SH3KBP1: variants seen among roughly 807,000 people sequenced by gnomAD.
SH3KBP1 encodes the protein SH3 domain containing kinase binding protein 1.
In SH3KBP1, 8 loss-of-function variants were observed where a neutral mutation model predicts 50.1. The ratio of observed to expected loss-of-function variants is 0.16; its 90% CI spans 0.09 to 0.29. The LOEUF (loss-of-function observed/expected upper bound fraction) is 0.29. Among genes scored for constraint, SH3KBP1 ranks in the 10% least tolerant of loss-of-function variants. The probability of loss-of-function intolerance (pLI) is 1.00; values close to 1 mark genes in which losing one functional copy is unlikely to be tolerated. For synonymous variants in SH3KBP1, 227 were observed against 218.6 expected (o/e 1.04, Z -0.34); for missense variants, 377 against 535.2 (o/e 0.70, Z 2.92).
chrX:19,736,668 T>C (rs2064587110), intron 3 of SH3KBP1, among the ~76,000 whole-genome samples: 1 of 111,627 alleles, frequency 9.0e-6, no homozygotes, highest in Admixed American at 9.5e-5. Context: ...GGCCATGAAA[T>C]GTCCTCATTG....
intron 1 of SH3KBP1, among the ~76,000 whole-genome samples, chrX:19,861,598 G>T (rs2068779854): frequency 9.0e-6 from 1 of 111,418 alleles, no homozygotes; most frequent in Non-Finnish European, 1.9e-5. Flanking sequence ...AGAACTGAGG[G>T]TCTTGGGAAT....
At chrX:19,697,555 G>A in intron 4 of SH3KBP1, among the ~76,000 whole-genome samples, 2 of 112,042 alleles carry the variant, frequency 1.8e-5, no homozygotes, top group South Asian at 7.4e-4. Flanking sequence ...CAAGTCCTTA[G>A]TTCTCCTCAA....
chrX:19,760,023 C>CTGTCTCTCTCTCTCT (rs1556345973), intron 2 of SH3KBP1, among the ~76,000 whole-genome samples: 1 of 83,582 alleles, frequency 1.2e-5, no homozygotes, highest in African/African-American at 5.9e-5. Context: ...CTCTCTCTCT[C>CTGTCTCTCTCTCTCT]CTCTCTCTCT....
intron 3 of SH3KBP1, among the ~76,000 whole-genome samples, chrX:19,717,006 G>C (rs1410816403): frequency 2.7e-5 from 3 of 110,785 alleles, no homozygotes; most frequent in Non-Finnish European, 3.8e-5. Flanking sequence ...TGAGGACAGG[G>C]ATCCAGGGAG....
chrX:19,854,655 T>G (rs1474903078), intron 1 of SH3KBP1, among the ~76,000 whole-genome samples: 3 of 111,453 alleles, frequency 2.7e-5, no homozygotes, highest in African/African-American at 9.8e-5. Context: ...TGGTACAGGT[T>G]TGACATTAAC....
At chrX:19,570,435 C>T (rs988536184) in intron 12 of SH3KBP1, among the ~76,000 whole-genome samples, 1 of 111,735 alleles carries the variant, frequency 8.9e-6, no homozygotes, top group African/African-American at 3.3e-5. Flanking sequence ...GGGACCAAAG[C>T]CTGAAGTCCT....
intron 2 of SH3KBP1, among the ~76,000 whole-genome samples, chrX:19,829,067 C>T (rs1194198995): frequency 8.9e-6 from 1 of 112,150 alleles, no homozygotes; most frequent in Non-Finnish European, 1.9e-5. Flanking sequence ...AGCAATTCCA[C>T]TCTTACATGT....
At chrX:19,746,990 G>A (rs1031427259) in intron 2 of SH3KBP1, among the ~76,000 whole-genome samples, 1 of 111,959 alleles carries the variant, frequency 8.9e-6, no homozygotes, top group Non-Finnish European at 1.9e-5. Context: ...CTAGATCAGG[G>A]GTCAGCAAAT....
At chrX:19,821,320 G>A (rs1023322390) in intron 2 of SH3KBP1, among the ~76,000 whole-genome samples, 2 of 111,177 alleles carry the variant, frequency 1.8e-5, no homozygotes, top group African/African-American at 6.6e-5. Flanking sequence ...GAACCTGAGA[G>A]GCAGAGATTG....
At position 19,886,209 on chromosome X, in the gene SH3KBP1, T is replaced by C. The variant is rs1229316094; in HGVS notation, c.4+1098A>G. Among the ~76,000 whole-genome samples, 3 of 112,272 alleles carry C rather than the reference T, an allele frequency of 2.7e-5. No individual in the cohort carries two copies. In the Admixed American group the frequency reaches 2.8e-4, roughly 11 times the overall value. Reference sequence around the variant, plus strand: ...TTAACTTTGCCTGTCAACAACGGACTGGGTTAAACCTCCTCTTTTCCAATC... The same window carrying C: ...TTAACTTTGCCTGTCAACAACGGACCGGGTTAAACCTCCTCTTTTCCAATC... On this transcript the variant is annotated intron_variant, in intron 1 of 17. Transcript: ENST00000397821.
chrX:19,715,782 G>T (rs1361125647), intron 3 of SH3KBP1, among the ~76,000 whole-genome samples: 1 of 112,499 alleles, frequency 8.9e-6, no homozygotes, highest in East Asian at 2.8e-4. Flanking sequence ...GCTGTGCTGT[G>T]ATGTTTATTT....
At chrX:19,549,797 C>T (rs891242863) in intron 14 of SH3KBP1, among the ~76,000 whole-genome samples, 177 bp downstream of exon 14, 1 of 112,137 alleles carries the variant, frequency 8.9e-6, no homozygotes, top group Non-Finnish European at 1.9e-5. Flanking sequence ...AAAGAAATGC[C>T]GCTCAAGTCA....
At position 19,683,833 on chromosome X, in the gene SH3KBP1, G is replaced by A. The variant is rs145149747; in HGVS notation, c.716C>T (p.Pro239Leu). ...AACTGTCGAACATACCTTTTCTACC[G>A]GCAGAAAGTCATTTTCTACTTCAAT... ...RSIEVENDFL[P>L]VEKTIGKKLP... The change falls in exon 6 of 18, where the codon CCG (proline) becomes CTG (leucine). Residue 239 changes from proline to leucine, a missense_variant. Physicochemically the swap from Pro to Leu is moderately conservative, Grantham distance 98. This residue lies in a region of SH3KBP1 where 257 missense variants were observed against 374.2 expected (regional missense o/e 0.69). Coordinates refer to ENST00000397821, the MANE Select transcript of SH3KBP1 (RefSeq NM_031892.3). 3.7e-4 allele frequency: 450 copies of A among 1,206,392 alleles called. No individual in the cohort carries two copies. The highest frequency in any genetic ancestry group is 7.6e-4 in the South Asian group (43 of 56,743).
At chrX:19,757,385 T>G (rs1222315466) in intron 2 of SH3KBP1, among the ~76,000 whole-genome samples, 1 of 110,286 alleles carries the variant, frequency 9.1e-6, no homozygotes, top group Non-Finnish European at 1.9e-5. Flanking sequence ...TCTCTTAAGA[T>G]TTCACCATGG....
chrX:19,881,567 C>A (rs2069434705), intron 1 of SH3KBP1, among the ~76,000 whole-genome samples: 1 of 111,744 alleles, frequency 8.9e-6, no homozygotes, highest in Non-Finnish European at 1.9e-5. Flanking sequence ...TACAGTGTAC[C>A]AGGCACAGGA....
At chrX:19,788,644 T>C (rs1161251335) in intron 2 of SH3KBP1, among the ~76,000 whole-genome samples, 1 of 111,953 alleles carries the variant, frequency 8.9e-6, no homozygotes, top group Non-Finnish European at 1.9e-5. Flanking sequence ...TGAATCTATT[T>C]TGGCAGCAGA....
rs1459662113 is a variant in SH3KBP1, at chrX:19,534,743, C to A, written c.*1674G>T. On this transcript the variant is annotated 3_prime_UTR_variant, in exon 18 of 18. Coordinates refer to ENST00000397821, the MANE Select transcript of SH3KBP1 (RefSeq NM_031892.3). ...CACTCCCTTCCCTTAATTATGCCCC[C>A]ACCCAGGAAGACCAAGGTGTTTGGG... The A allele has an allele frequency of 3.4e-6, 1 of 293,374 alleles. No homozygotes were observed. Among genetic ancestry groups the A allele is most frequent in the African/African-American group, 2.8e-5 (1 of 36,092 alleles). 24.2% of individuals were successfully genotyped at this position (293,374 alleles called of 1,213,427 possible).
At chrX:19,878,037 A>G (rs1042636953) in intron 1 of SH3KBP1, among the ~76,000 whole-genome samples, 1 of 112,170 alleles carries the variant, frequency 8.9e-6, no homozygotes, top group Non-Finnish European at 1.9e-5. Context: ...AAGGCTAAAT[A>G]TAAGCACAGT....
chrX:19,705,724 T>C (rs1368933311), intron 4 of SH3KBP1, among the ~76,000 whole-genome samples: 1 of 111,471 alleles, frequency 9.0e-6, no homozygotes, highest in Non-Finnish European at 1.9e-5. Flanking sequence ...ACTGTGGATG[T>C]CAACTGGTGA....
Sources: gnomAD v4.1 joint callset for allele counts (sites outside exome capture counted in the v4.1 genomes callset) on GRCh38, gnomAD v4.1.1 for gene constraint, gnomAD v4.1.1 regional missense constraint, MANE v1.5 for transcripts, NCBI Gene and HGNC (gene_info 2026-07-23, HGNC 2026-07-21) for gene names.